KCNQ5: variants seen among roughly 807,000 people sequenced by gnomAD.
The protein encoded by KCNQ5 is potassium voltage-gated channel subfamily KQT member 5.
In KCNQ5, 30 loss-of-function variants were observed where a neutral mutation model predicts 98.2. That is an observed-to-expected ratio of 0.31 (90% CI 0.23 to 0.41). KCNQ5 has a LOEUF of 0.41. KCNQ5 is among the 10% of genes least tolerant of loss of function. The pLI is 1.00. For synonymous variants in KCNQ5, 458 were observed against 449.4 expected (o/e 1.02, Z -0.24); for missense variants, 835 against 1,182.5 (o/e 0.71, Z 4.31).
chr6:73,192,138 C>T (rs1025956825), intron 12 of KCNQ5, among the ~76,000 whole-genome samples: 2 of 152,088 alleles, frequency 1.3e-5, no homozygotes, highest in Admixed American at 6.5e-5. Flanking sequence ...ACTTGAACTC[C>T]GAAAGAAAAA....
chr6:73,084,972 C>T (rs1188281264), intron 5 of KCNQ5, among the ~76,000 whole-genome samples: 1 of 152,200 alleles, frequency 6.6e-6, no homozygotes, highest in Admixed American at 6.5e-5. Context: ...AACTGATAAA[C>T]ATTAGCAGGG....
At chr6:72,891,114 G>A (rs1351587224) in intron 1 of KCNQ5, among the ~76,000 whole-genome samples, 2 of 152,150 alleles carry the variant, frequency 1.3e-5, no homozygotes, top group Non-Finnish European at 2.9e-5. Context: ...GGGTATATGA[G>A]TACTTTGAAA....
intron 11 of KCNQ5, among the ~76,000 whole-genome samples, chr6:73,182,857 G>C (rs373331302): frequency 3.3e-5 from 5 of 152,186 alleles, no homozygotes; most frequent in East Asian, 1.9e-4. Flanking sequence ...ACTCCAATGA[G>C]ACTGATGTAT....
chr6:73,166,028 A>C (rs1238726375), intron 10 of KCNQ5, among the ~76,000 whole-genome samples: 2 of 152,162 alleles, frequency 1.3e-5, no homozygotes, highest in African/African-American at 4.8e-5. Flanking sequence ...CCAGAACCCA[A>C]CTGCTGGGGT....
intron 1 of KCNQ5, among the ~76,000 whole-genome samples, chr6:72,821,943 T>C (rs529706895): frequency 6.6e-5 from 10 of 152,230 alleles, no homozygotes; most frequent in African/African-American, 1.9e-4. Context: ...ATCTCTGCAT[T>C]AGCCTCTGAT....
At chr6:73,063,359 G>A (rs1292417318) in intron 3 of KCNQ5, among the ~76,000 whole-genome samples, 1 of 152,134 alleles carries the variant, frequency 6.6e-6, no homozygotes. Flanking sequence ...GGAGTTGGTT[G>A]CCATGAATTC....
At chr6:73,071,534 G>A (rs557294275) in intron 3 of KCNQ5, among the ~76,000 whole-genome samples, 2 of 152,308 alleles carry the variant, frequency 1.3e-5, no homozygotes, top group East Asian at 1.9e-4. Flanking sequence ...TCACAGTTCT[G>A]CAGGCTGTAC....
chr6:73,083,629 T>C (rs1318252765), intron 5 of KCNQ5, among the ~76,000 whole-genome samples: 1 of 152,222 alleles, frequency 6.6e-6, no homozygotes, highest in Non-Finnish European at 1.5e-5. Context: ...TAGGCTAAAA[T>C]AAAATATGCA....
chr6:73,084,420 A>G (rs978974479), intron 5 of KCNQ5, among the ~76,000 whole-genome samples: 1 of 152,146 alleles, frequency 6.6e-6, no homozygotes, highest in Non-Finnish European at 1.5e-5. Flanking sequence ...CTTTAACTTC[A>G]TTTGGCCCAT....
At chr6:73,012,293 G>A (rs1476623212) in intron 2 of KCNQ5, among the ~76,000 whole-genome samples, 1 of 151,994 alleles carries the variant, frequency 6.6e-6, no homozygotes, top group Non-Finnish European at 1.5e-5. Flanking sequence ...TTAAAAAGAA[G>A]GAAATTTTGA....
chr6:72,926,494 G>C (rs1765425679), intron 1 of KCNQ5, among the ~76,000 whole-genome samples: 1 of 151,992 alleles, frequency 6.6e-6, no homozygotes, highest in African/African-American at 2.4e-5. Flanking sequence ...GTAAACAGTG[G>C]TACCTAATGA....
rs1450732824 is a variant in KCNQ5, at chr6:72,966,696, A to T, written c.399-37212A>T. 2.0e-5 allele frequency among the ~76,000 whole-genome samples: 3 copies of T among 152,220 alleles called. No individual in the cohort carries two copies. The East Asian group carries it at 5.8e-4, about 29-fold the overall frequency. ...TAACTTTCAGTATGGAAACAGAAAC[A>T]TGGGTTCAATTTAAAATCCATGACT... On this transcript the variant is annotated intron_variant, in intron 1 of 13. Coordinates refer to ENST00000370398, the MANE Select transcript of KCNQ5 (RefSeq NM_019842.4).
intron 1 of KCNQ5, among the ~76,000 whole-genome samples, chr6:72,923,871 G>A (rs1780512556): frequency 6.6e-6 from 1 of 152,024 alleles, no homozygotes. Context: ...ATTGCTAGTG[G>A]GTCATTTGAG....
In KCNQ5 at chr6:72,658,583, T is replaced by A. The variant is rs995875113; in HGVS notation, c.398+35996T>A. On this transcript the variant is annotated intron_variant, in intron 1 of 13. Transcript: ENST00000370398. ...GGATATATATATATATATATATTTT[T>A]TTTTTTTTTTTTTTTGAGACAGGGT... Among the ~76,000 whole-genome samples, 1,156 of 117,706 alleles carry A rather than the reference T, an allele frequency of 9.8e-3. 12 individuals are homozygous for A. The highest frequency in any genetic ancestry group is 0.032 in the East Asian group (120 of 3,788). The allele number at this position is 117,706 out of a possible 152,430, so 77.2% of individuals were successfully genotyped here. A position where few individuals can be genotyped will look rare whatever the true frequency, so the allele number is the denominator to read the frequency against.
At chr6:72,700,938 A>G (rs868204794) in intron 1 of KCNQ5, among the ~76,000 whole-genome samples, 4 of 152,216 alleles carry the variant, frequency 2.6e-5, no homozygotes, top group African/African-American at 9.7e-5. Context: ...ATCATCAGAT[A>G]CCCTGTAATT....
Position 73,019,065 on chromosome 6 carries a change from A to G in KCNQ5, c.489+15067A>G, listed in dbSNP as rs1005555849. ...GTATGCAAAGCCAACACCTCTGTCT[A>G]CCTGTGATATATGACAGGGTGACCT... On this transcript the variant is annotated intron_variant, in intron 2 of 13. Coordinates refer to ENST00000370398, the MANE Select transcript of KCNQ5 (RefSeq NM_019842.4). 2.4e-4 allele frequency among the ~76,000 whole-genome samples: 36 copies of G among 152,066 alleles called. 1 individual carries two copies. The highest frequency in any genetic ancestry group is 8.0e-4 in the African/African-American group (33 of 41,368).
chr6:72,635,112 C>T (rs1165972650), intron 1 of KCNQ5, among the ~76,000 whole-genome samples: 1 of 151,648 alleles, frequency 6.6e-6, no homozygotes, highest in African/African-American at 2.4e-5. Flanking sequence ...CTGCAGCCTC[C>T]ATCACCCACA....
chr6:72,983,086 C>T (rs761967071), intron 1 of KCNQ5, among the ~76,000 whole-genome samples: 15 of 152,214 alleles, frequency 9.9e-5, no homozygotes, highest in Admixed American at 3.9e-4. Flanking sequence ...CGACCTTTCT[C>T]TCTGGCTGCC....
intron 3 of KCNQ5, among the ~76,000 whole-genome samples, chr6:73,060,010 C>A (rs761914165): frequency 1.3e-5 from 2 of 152,002 alleles, no homozygotes; most frequent in Non-Finnish European, 2.9e-5. Flanking sequence ...TTAGTTAGAG[C>A]CTTAAAGTAC....
Sources: allele counts gnomAD v4.1 joint callset (sites outside exome capture counted in the v4.1 genomes callset), GRCh38; gene constraint gnomAD v4.1.1; transcripts MANE v1.5; gene names NCBI Gene and HGNC (gene_info 2026-07-23, HGNC 2026-07-21).